Variants in DLGAP2 observed in about 807,000 individuals in gnomAD.
The protein encoded by DLGAP2 is DLG associated protein 2.
A neutral mutation model predicts 100.3 loss-of-function variants in DLGAP2; 26 were observed. The ratio of observed to expected loss-of-function variants is 0.26; its 90% CI spans 0.19 to 0.36. The LOEUF is 0.36. Ranked by LOEUF, DLGAP2 falls within the 10% of genes least tolerant of loss-of-function variation. The pLI, the probability that DLGAP2 is intolerant of heterozygous loss-of-function variation, is 1.00. For synonymous variants in DLGAP2, 886 were observed against 630.1 expected (o/e 1.41, Z -6.08); for missense variants, 1,858 against 1,453.2 (o/e 1.28, Z -4.53).
At chr8:1,647,863 C>G (rs1798078170) in intron 8 of DLGAP2, among the ~76,000 whole-genome samples, 1 of 152,144 alleles carries the variant, frequency 6.6e-6, no homozygotes, top group African/African-American at 2.4e-5. Context: ...GGGCAGCCTC[C>G]TTGTTCATAG....
At chr8:902,012 A>C (rs1295259276) in intron 1 of DLGAP2, among the ~76,000 whole-genome samples, 1 of 152,164 alleles carries the variant, frequency 6.6e-6, no homozygotes, top group Non-Finnish European at 1.5e-5. Context: ...TTCTGTGGTC[A>C]GGGGAACCCA....
intron 2 of DLGAP2, among the ~76,000 whole-genome samples, chr8:1,190,604 C>T (rs1371151824): frequency 6.6e-6 from 1 of 152,178 alleles, no homozygotes; most frequent in Non-Finnish European, 1.5e-5. Context: ...GCATTGAGAG[C>T]CAAAACAGCT....
chr8:1,099,114 C>G (rs1804496093), intron 2 of DLGAP2, among the ~76,000 whole-genome samples: 1 of 151,972 alleles, frequency 6.6e-6, no homozygotes, highest in South Asian at 2.1e-4. Context: ...CTAAAATAAC[C>G]CCAGTTCTCA....
intron 2 of DLGAP2, among the ~76,000 whole-genome samples, chr8:1,088,013 A>T (rs1459079996): frequency 6.6e-6 from 1 of 152,224 alleles, no homozygotes; most frequent in East Asian, 1.9e-4. Flanking sequence ...TCACTGCGTC[A>T]CAGCTCTGGG....
Position 885,818 on chromosome 8 carries a change from G to T in DLGAP2, c.19-22094G>T, listed in dbSNP as rs187030143. On this transcript the variant is annotated intron_variant, in intron 1 of 14. Coordinates refer to ENST00000637795, the MANE Select transcript of DLGAP2 (RefSeq NM_001346810.2). ...CTTCAATACCTAGTTTATTGAGAGT[G>T]TTTAACAATCAATGTTCATCAGGAA... is the stretch of plus-strand genomic sequence containing the variant. Among the ~76,000 whole-genome samples the T allele has an allele frequency of 1.4e-4, 22 of 151,850 alleles. No individual in the cohort carries two copies. In the East Asian group the frequency reaches 3.1e-3, roughly 21 times the overall value.
At chr8:784,973 C>T (rs1042004610) in intron 1 of DLGAP2, among the ~76,000 whole-genome samples, 4 of 151,606 alleles carry the variant, frequency 2.6e-5, no homozygotes, top group Non-Finnish European at 4.4e-5. Context: ...TTTGGGAGGC[C>T]GAGGCAGGCG....
chr8:1,664,010 C>G (rs1473956919), intron 8 of DLGAP2, among the ~76,000 whole-genome samples: 3 of 152,206 alleles, frequency 2.0e-5, no homozygotes, highest in Non-Finnish European at 4.4e-5. Context: ...GTAAAGTTTG[C>G]AGTATCCTTA....
Position 1,683,044 on chromosome 8 carries a change from G to A in DLGAP2, c.2704+4415G>A, listed in dbSNP as rs149334016. 3.4e-4 allele frequency among the ~76,000 whole-genome samples: 51 copies of A among 151,532 alleles called. 1 individual carries two copies. The highest frequency in any genetic ancestry group is 1.4e-3 in the East Asian group (7 of 5,180). Reference sequence around the variant, plus strand: ...CTTACGACGAAGCAAGCCACTCTCCGATAGACAAAAATGATGCAACAATGA... The same window carrying A: ...CTTACGACGAAGCAAGCCACTCTCCAATAGACAAAAATGATGCAACAATGA... On this transcript the variant is annotated intron_variant, in intron 12 of 14. Transcript: ENST00000637795.
intron 3 of DLGAP2, among the ~76,000 whole-genome samples, chr8:1,444,207 TC>T (rs1563153266): frequency 6.6e-6 from 1 of 152,186 alleles, no homozygotes; most frequent in African/African-American, 2.4e-5. Context: ...TGCCTTGGCC[TC>T]CCACAGCTCT....
In DLGAP2 at chr8:1,001,018, G is replaced by A. The variant is rs181213390; in HGVS notation, c.73+93052G>A. Among the ~76,000 whole-genome samples, 504 of 152,250 alleles carry A rather than the reference G, an allele frequency of 3.3e-3. 9 individuals carry two copies. Among genetic ancestry groups the A allele is most frequent in the Admixed American group, 0.031 (480 of 15,292 alleles). On this transcript the variant is annotated intron_variant, in intron 2 of 14. Transcript: ENST00000637795. ...TCGCTGTGCCATTTAAAATCAGGAG[G>A]TGTCGATGACATTTGCAGGCTATTG...
intron 2 of DLGAP2, among the ~76,000 whole-genome samples, chr8:1,197,049 C>T (rs989612947): frequency 2.6e-5 from 4 of 152,102 alleles, no homozygotes; most frequent in African/African-American, 9.7e-5. Context: ...GAGATGGAGG[C>T]CTCGCCCAAG....
chr8:1,316,896 G>A (rs1563078953), intron 3 of DLGAP2, among the ~76,000 whole-genome samples: 1 of 131,142 alleles, frequency 7.6e-6, no homozygotes, highest in Non-Finnish European at 1.6e-5. Context: ...TAAAAATAGA[G>A]CGTGTGCGAG....
At chr8:1,320,536 C>T (rs1228029069) in intron 3 of DLGAP2, among the ~76,000 whole-genome samples, 2 of 152,206 alleles carry the variant, frequency 1.3e-5, no homozygotes, top group South Asian at 2.1e-4. Flanking sequence ...GTGGGTCCCA[C>T]GTGATGTGAT....
At chr8:1,449,705 C>A (rs984663933) in intron 3 of DLGAP2, among the ~76,000 whole-genome samples, 2 of 152,202 alleles carry the variant, frequency 1.3e-5, no homozygotes, top group African/African-American at 4.8e-5. Flanking sequence ...GTGCAGATGA[C>A]ACCAGCTGCC....
chr8:1,499,320 C>A (rs1032325008), intron 3 of DLGAP2, among the ~76,000 whole-genome samples: 8 of 152,154 alleles, frequency 5.3e-5, no homozygotes, highest in Non-Finnish European at 8.8e-5. Flanking sequence ...CTGTGAGAGC[C>A]CCTGCCTTGT....
chr8:1,556,911 T>G (rs1801983512), intron 5 of DLGAP2, among the ~76,000 whole-genome samples: 1 of 152,148 alleles, frequency 6.6e-6, no homozygotes, highest in Non-Finnish European at 1.5e-5. Flanking sequence ...GCAGCAGCCA[T>G]GCACCCAGCA....
chr8:1,624,884 T>C (rs576235879), intron 6 of DLGAP2, among the ~76,000 whole-genome samples: 1 of 152,176 alleles, frequency 6.6e-6, no homozygotes, highest in Non-Finnish European at 1.5e-5. Flanking sequence ...TCTCTCTCTC[T>C]CTTTCCTTTT....
intron 2 of DLGAP2, among the ~76,000 whole-genome samples, chr8:1,008,225 C>T (rs955729217): frequency 2.6e-5 from 4 of 152,178 alleles, no homozygotes; most frequent in East Asian, 1.9e-4. Context: ...GTAGTTATTA[C>T]GTAGAACAAA....
At chr8:1,481,471 C>CTTTTTTTT (rs1165790168) in intron 3 of DLGAP2, among the ~76,000 whole-genome samples, 986 of 43,368 alleles carry the variant, frequency 0.023, 12 homozygotes, top group Non-Finnish European at 0.031. Context: ...TTTTCTTTTT[C>CTTTTTTTT]TTTTTTTTTT....
Sources: gnomAD v4.1 joint callset for allele counts (sites outside exome capture counted in the v4.1 genomes callset) on GRCh38, gnomAD v4.1.1 for gene constraint, MANE v1.5 for transcripts, NCBI Gene and HGNC (gene_info 2026-07-23, HGNC 2026-07-21) for gene names.